Variants in CSMD1 observed in about 807,000 individuals in gnomAD.
CSMD1 encodes the protein CUB and sushi domain-containing protein 1.
A neutral mutation model predicts 417.5 loss-of-function variants in CSMD1; 213 were observed. The ratio of observed to expected loss-of-function variants is 0.51; its 90% CI spans 0.46 to 0.57. The LOEUF (loss-of-function observed/expected upper bound fraction) is 0.57. Among genes scored for constraint, CSMD1 ranks in the 20% least tolerant of loss-of-function variants. CSMD1 has a pLI of 0.00. For missense variants in CSMD1, 6,923 were observed against 4,529.7 expected (o/e 1.53, Z -15.17); for synonymous variants, 2,862 against 1,736.8 (o/e 1.65, Z -16.11).
intron 2 of CSMD1, among the ~76,000 whole-genome samples, chr8:4,517,275 C>A (rs1459605769): frequency 6.6e-6 from 1 of 152,140 alleles, no homozygotes; most frequent in Admixed American, 6.5e-5. Flanking sequence ...TTTAGACTAA[C>A]GTAGTGATAA....
intron 3 of CSMD1, among the ~76,000 whole-genome samples, chr8:4,098,037 T>G (rs1027797375): frequency 6.6e-5 from 10 of 152,212 alleles, no homozygotes; most frequent in African/African-American, 2.2e-4. Context: ...ATATAATTTT[T>G]GTTCAGGCAC....
At chr8:3,914,720 C>A (rs182242042) in intron 5 of CSMD1, among the ~76,000 whole-genome samples, 2 of 152,096 alleles carry the variant, frequency 1.3e-5, no homozygotes, top group East Asian at 3.9e-4. Flanking sequence ...TTTGACTATC[C>A]CTTTTTTTTT....
intron 6 of CSMD1, among the ~76,000 whole-genome samples, chr8:3,710,831 T>A (rs1563298029): frequency 1.3e-5 from 2 of 152,126 alleles, no homozygotes; most frequent in Admixed American, 6.5e-5. Flanking sequence ...ATGCAGAATT[T>A]GAACTGAAAT....
At chr8:4,688,708 C>A (rs1806565810) in intron 1 of CSMD1, among the ~76,000 whole-genome samples, 1 of 152,134 alleles carries the variant, frequency 6.6e-6, no homozygotes, top group South Asian at 2.1e-4. Context: ...TCGTGTAGCA[C>A]TCCACAAATG....
At chr8:4,446,846 C>A (rs921661317) in intron 2 of CSMD1, among the ~76,000 whole-genome samples, 13 of 151,162 alleles carry the variant, frequency 8.6e-5, no homozygotes, top group Admixed American at 2.0e-4. Context: ...TGGTCTTGAA[C>A]TCCTGACCTT....
chr8:4,191,064 C>G (rs1027830885), intron 3 of CSMD1, among the ~76,000 whole-genome samples: 2 of 150,518 alleles, frequency 1.3e-5, no homozygotes, highest in African/African-American at 2.5e-5. Flanking sequence ...ACCTATGTAA[C>G]TAAGATACAC....
At chr8:4,152,343 T>A (rs1003943192) in intron 3 of CSMD1, among the ~76,000 whole-genome samples, 2 of 152,086 alleles carry the variant, frequency 1.3e-5, no homozygotes, top group Admixed American at 1.3e-4. Flanking sequence ...AGAAATCAGG[T>A]AGACACGTAA....
At chr8:3,026,839 C>G (rs925931610) in intron 51 of CSMD1, among the ~76,000 whole-genome samples, 1 of 152,158 alleles carries the variant, frequency 6.6e-6, no homozygotes, top group Non-Finnish European at 1.5e-5. Context: ...CCCCTGAGAA[C>G]AGTTGCCTTC....
At chr8:3,735,903 G>C (rs1014640799) in intron 6 of CSMD1, among the ~76,000 whole-genome samples, 2 of 152,074 alleles carry the variant, frequency 1.3e-5, no homozygotes, top group South Asian at 2.1e-4. Context: ...AAATAAAACA[G>C]ACAAAAATTA....
chr8:4,575,859 A>C (rs1799111472), intron 2 of CSMD1, among the ~76,000 whole-genome samples: 1 of 152,182 alleles, frequency 6.6e-6, no homozygotes. Context: ...CGCCTTCTAA[A>C]GACTTGCAAA....
At position 4,669,845 on chromosome 8, in the gene CSMD1, A is replaced by G. The variant is rs543798810; in HGVS notation, c.86-32287T>C. Among the ~76,000 whole-genome samples the G allele has an allele frequency of 5.9e-5, 9 of 152,356 alleles. No individual in the cohort carries two copies. In the South Asian group the frequency reaches 1.4e-3, roughly 25 times the overall value. Reference sequence around the variant, plus strand: ...AGACATCCAAGAAGAATGGTTTCTTAGCCAAATCACAGAACTCCTCAGGTT... The same window carrying G: ...AGACATCCAAGAAGAATGGTTTCTTGGCCAAATCACAGAACTCCTCAGGTT... On this transcript the variant is annotated intron_variant, in intron 1 of 69. Coordinates refer to ENST00000635120, the MANE Select transcript of CSMD1 (RefSeq NM_033225.6).
chr8:4,526,715 C>T (rs754293865), intron 2 of CSMD1, among the ~76,000 whole-genome samples: 5 of 152,262 alleles, frequency 3.3e-5, no homozygotes, highest in South Asian at 2.1e-4. Flanking sequence ...ATTATCATTG[C>T]TTAAATTTGC....
intron 12 of CSMD1, among the ~76,000 whole-genome samples, chr8:3,428,875 T>C (rs186773176): frequency 1.3e-5 from 2 of 152,304 alleles, no homozygotes; most frequent in Admixed American, 1.3e-4. Context: ...AAAGAAATCC[T>C]GTCATTTGCA....
At chr8:4,093,829 T>C (rs576987646) in intron 3 of CSMD1, among the ~76,000 whole-genome samples, 4 of 152,026 alleles carry the variant, frequency 2.6e-5, no homozygotes, top group Admixed American at 6.6e-5. Flanking sequence ...GGTGTGGTGG[T>C]GCATGCCTGT....
At chr8:3,048,221 C>G (rs980589064) in intron 50 of CSMD1, among the ~76,000 whole-genome samples, 2 of 152,166 alleles carry the variant, frequency 1.3e-5, no homozygotes, top group African/African-American at 4.8e-5. Flanking sequence ...TCGCGACCAA[C>G]AAGACCGATC....
chr8:3,375,583 T>A lies in CSMD1; in HGVS notation c.2783-6213A>T, dbSNP rs543029093. The stretch of plus-strand genomic sequence containing the variant: ...ATATTTTTATGAATAAATATGTTGT[T>A]CACATATTTATTTATAATAGAAACT... On this transcript the variant is annotated intron_variant, in intron 18 of 69. Coordinates refer to ENST00000635120, the MANE Select transcript of CSMD1 (RefSeq NM_033225.6). Among the ~76,000 whole-genome samples the A allele has an allele frequency of 3.9e-5, 6 of 152,160 alleles. No individual in the cohort carries two copies. The South Asian group carries it at 1.2e-3, about 32-fold the overall frequency.
chr8:3,125,223 C>T (rs190877414), intron 41 of CSMD1, among the ~76,000 whole-genome samples: 1 of 152,278 alleles, frequency 6.6e-6, no homozygotes, highest in Non-Finnish European at 1.5e-5. Context: ...CTGTTGCATC[C>T]TGTTTAGTGT....
At chr8:3,208,234 C>T (rs1487660116) in intron 30 of CSMD1, among the ~76,000 whole-genome samples, 2 of 152,086 alleles carry the variant, frequency 1.3e-5, no homozygotes, top group Non-Finnish European at 2.9e-5. Context: ...ATCACTGGGC[C>T]AAAATTTTGA....
intron 3 of CSMD1, among the ~76,000 whole-genome samples, chr8:4,114,155 A>G (rs1040314194): frequency 5.3e-5 from 8 of 152,206 alleles, no homozygotes; most frequent in South Asian, 2.1e-4. Flanking sequence ...CTTGGCTTAA[A>G]AACTTCAAAG....
Sources: gnomAD v4.1 joint callset for allele counts (sites outside exome capture counted in the v4.1 genomes callset) on GRCh38, gnomAD v4.1.1 for gene constraint, MANE v1.5 for transcripts, NCBI Gene and HGNC (gene_info 2026-07-23, HGNC 2026-07-21) for gene names.